TSPAN6: variants seen among roughly 807,000 people sequenced by gnomAD.
TSPAN6 encodes the protein tetraspanin 6, also known as tetraspanin-6.
A neutral mutation model predicts 18.0 loss-of-function variants in TSPAN6; 13 were observed. That is an observed-to-expected ratio of 0.72 (90% CI 0.47 to 1.15). The LOEUF (loss-of-function observed/expected upper bound fraction) is 1.15, where lower values mean the gene tolerates loss of function less well. Ranked by LOEUF, TSPAN6 falls within the 50% of genes most tolerant of loss-of-function variation. The probability of loss-of-function intolerance (pLI) is 0.00; values close to 1 mark genes in which losing one functional copy is unlikely to be tolerated. For synonymous variants in TSPAN6, 82 were observed against 67.0 expected, an observed-to-expected ratio of 1.22 and a Z score of -1.09; for missense variants, 186 against 183.9, an observed-to-expected ratio of 1.01 and a Z score of -0.07.
At chrX:100,632,457 T>C (rs1655788841) in intron 6 of TSPAN6, 28 bp downstream of exon 6, 2 of 1,108,062 alleles carry the variant, frequency 1.8e-6, no homozygotes, top group Non-Finnish European at 1.2e-6. Flanking sequence ...AGGGATGAAA[T>C]ATTTCCTAAG....
intron 3 of TSPAN6, among the ~76,000 whole-genome samples, 198 bp downstream of exon 3, chrX:100,634,980 T>A (rs759071853): frequency 8.9e-6 from 1 of 112,451 alleles, no homozygotes; most frequent in Non-Finnish European, 1.9e-5. Context: ...AGTAAGTAAT[T>A]TTCTTCTGGT....
At position 100,636,754 on chromosome X, in the gene TSPAN6, G is replaced by A; in HGVS notation, c.-60C>T. 3 of 1,125,980 alleles carry A rather than the reference G, an allele frequency of 2.7e-6. No homozygotes were observed. The highest frequency in any genetic ancestry group is 5.6e-5 in the Admixed American group (2 of 35,773). The allele number at this position is 1,125,980 out of a possible 1,213,427, so 92.8% of individuals were successfully genotyped here. ...GATTGGAACACAGAGAGCGAGACGCGGAGTCCCCGAGTCTCCCCGGAAACT... is the reference window on the plus strand; with the variant it reads ...GATTGGAACACAGAGAGCGAGACGCAGAGTCCCCGAGTCTCCCCGGAAACT... On this transcript the variant is annotated 5_prime_UTR_variant, in exon 1 of 8. Transcript: ENST00000373020.
In TSPAN6 at chrX:100,635,817, G is replaced by A. The variant is rs1453908078; in HGVS notation, c.88-71C>T. On this transcript the variant is annotated intron_variant, in intron 1 of 7. Coordinates refer to ENST00000373020, the MANE Select transcript of TSPAN6 (RefSeq NM_003270.4). ...GCAGCATCTTCAAATCACAACGCATGAGGTATTTAAGGCACAATAGGTGTA... is the reference window on the plus strand; with the variant it reads ...GCAGCATCTTCAAATCACAACGCATAAGGTATTTAAGGCACAATAGGTGTA... The A allele has an allele frequency of 1.2e-5, 11 of 889,989 alleles. No homozygotes were observed. In the Admixed American group the frequency reaches 3.9e-4, roughly 32 times the overall value. The allele number at this position is 889,989 out of a possible 1,213,427, so 73.3% of individuals were successfully genotyped here.
chrX:100,631,718 G>A (rs773291161), intron 6 of TSPAN6, among the ~76,000 whole-genome samples: 2 of 111,616 alleles, frequency 1.8e-5, no homozygotes, highest in South Asian at 3.8e-4. Flanking sequence ...TTGACTGACC[G>A]CAGAGAGAAC....
At chrX:100,631,091 GC>G (rs2083056101) in intron 6 of TSPAN6, among the ~76,000 whole-genome samples, 2 of 111,860 alleles carry the variant, frequency 1.8e-5, no homozygotes, top group South Asian at 7.4e-4. Context: ...GGAAAATCCA[GC>G]AAACTCACTC....
At position 100,634,035 on chromosome X, in the gene TSPAN6, G is replaced by A. The variant is rs781416778; in HGVS notation, c.352-6C>T. Reference sequence around the variant, plus strand: ...TTCTTAAAGCTGTTCTTAATCTATAGCAAAGAAACACAATGTCAGTAAGAA... The same window carrying A: ...TTCTTAAAGCTGTTCTTAATCTATAACAAAGAAACACAATGTCAGTAAGAA... On this transcript the variant is annotated splice_polypyrimidine_tract_variant and splice_region_variant and intron_variant, in intron 3 of 7. Coordinates refer to ENST00000373020, the MANE Select transcript of TSPAN6 (RefSeq NM_003270.4). 19 of 1,145,285 alleles carry A rather than the reference G, an allele frequency of 1.7e-5. No homozygotes were observed. In the South Asian group the frequency reaches 3.3e-4, roughly 20 times the overall value. 94.4% of individuals were successfully genotyped at this position (1,145,285 alleles called of 1,213,427 possible).
chrX:100,630,657 A>G, intron 7 of TSPAN6, 102 bp downstream of exon 7: 3 of 566,678 alleles, frequency 5.3e-6, no homozygotes, highest in Non-Finnish European at 8.4e-6. Flanking sequence ...ATTTAAATAT[A>G]TTACTAGACA....
At chrX:100,630,937 T>G in intron 6 of TSPAN6, 71 bp from the exon 7 acceptor site, 2 of 798,013 alleles carry the variant, frequency 2.5e-6, no homozygotes, top group Non-Finnish European at 3.7e-6. Context: ...TATATTCTCC[T>G]CTCACTTGTA....
chrX:100,633,862 G>T, intron 4 of TSPAN6, 69 bp downstream of exon 4: 2 of 768,613 alleles, frequency 2.6e-6, no homozygotes, highest in Non-Finnish European at 3.9e-6. Context: ...ACATCTAGTA[G>T]CCAGACTCTG....
At chrX:100,635,886 T>G in intron 1 of TSPAN6, 140 bp from the exon 2 acceptor site, 2 of 421,652 alleles carry the variant, frequency 4.7e-6, no homozygotes, top group Non-Finnish European at 7.3e-6. Flanking sequence ...TAGAAGGGGT[T>G]AGGGGGGGAT....
intron 1 of TSPAN6, chrX:100,636,314 T>TC: frequency 1.1e-6 from 1 of 910,058 alleles, no homozygotes; most frequent in Non-Finnish European, 1.4e-6. Flanking sequence ...GTCTGCGTGC[T>TC]CTGGGGGCTT....
At chrX:100,636,212 C>A (rs769507206) in intron 1 of TSPAN6, 2 of 795,005 alleles carry the variant, frequency 2.5e-6, no homozygotes, top group Non-Finnish European at 3.0e-6. Context: ...TCCTCTCTTA[C>A]GAAGCAGTGA....
At chrX:100,634,865 G>A (rs1410201628) in intron 3 of TSPAN6, among the ~76,000 whole-genome samples, 2 of 111,772 alleles carry the variant, frequency 1.8e-5, no homozygotes, top group Non-Finnish European at 3.8e-5. Context: ...GGCATAAGAA[G>A]GTTATCAATT....
At chrX:100,630,672 G>A (rs2083052941) in intron 7 of TSPAN6, 87 bp downstream of exon 7, 5 of 665,379 alleles carry the variant, frequency 7.5e-6, no homozygotes, top group Non-Finnish European at 1.1e-5. Flanking sequence ...TAGACAAGAC[G>A]TTCTTGGCAA....
rs952760663 is a variant in TSPAN6, at chrX:100,636,425, C to T, written c.87+183G>A. ...TCGTCCCGCACTCCGACCCCAGCGC[C>T]GGCGAGATGCCTGAGCTCTTTGTTC... On this transcript the variant is annotated intron_variant, in intron 1 of 7. Coordinates refer to ENST00000373020, the MANE Select transcript of TSPAN6 (RefSeq NM_003270.4). 19 of 1,005,232 alleles carry T rather than the reference C, an allele frequency of 1.9e-5. No homozygotes were observed. In the African/African-American group the frequency reaches 3.4e-4, roughly 18 times the overall value. 82.8% of individuals were successfully genotyped at this position (1,005,232 alleles called of 1,213,427 possible).
Position 100,632,583 on chromosome X carries a change from A to G in TSPAN6, c.586-15T>C. The G allele has an allele frequency of 1.3e-5, 15 of 1,122,613 alleles. No homozygotes were observed. The highest frequency in any genetic ancestry group is 1.7e-5 in the Non-Finnish European group (14 of 819,317). 92.5% of individuals were successfully genotyped at this position (1,122,613 alleles called of 1,213,427 possible). A position where few individuals can be genotyped will look rare whatever the true frequency, so the allele number is the denominator to read the frequency against. ...ATAAAACAACCCTAATGGGAGGAAA[A>G]AAACAAAGATTAAATACAGCACAAG... is the stretch of plus-strand genomic sequence containing the variant. On this transcript the variant is annotated splice_polypyrimidine_tract_variant and intron_variant, in intron 5 of 7. Transcript: ENST00000373020.
rs2083037493 is a variant in TSPAN6 at position 100,628,285 on chromosome X, TTTC to T, written c.*1738_*1740del. ...TTGAGTCACTATTTTTCAACTTAAT[TTTC>T]TTATCACCTTATCCTATGTCAAAAG... On this transcript the variant is annotated 3_prime_UTR_variant, in exon 8 of 8. Coordinates refer to ENST00000373020, the MANE Select transcript of TSPAN6 (RefSeq NM_003270.4). 2 of 112,226 alleles carry T rather than the reference TTTC, an allele frequency of 1.8e-5. No homozygotes were observed. The highest frequency in any genetic ancestry group is 7.4e-4 in the South Asian group (2 of 2,694). 9.2% of individuals were successfully genotyped at this position (112,226 alleles called of 1,213,427 possible).
rs752674834 is a variant in TSPAN6, at chrX:100,628,975, AAAC to A, written c.*1048_*1050del. On this transcript the variant is annotated 3_prime_UTR_variant, in exon 8 of 8. Transcript: ENST00000373020. ...TGTAGGGCTTAGCTTTCTCAGTGGA[AAAC>A]AACAACCATTCCAGCAGATTTTCTA... The A allele has an allele frequency of 1.1e-4, 12 of 112,351 alleles. No individual in the cohort carries two copies. The East Asian group carries it at 3.3e-3, about 31-fold the overall frequency. The allele number at this position is 112,351 out of a possible 1,213,427, so 9.3% of individuals were successfully genotyped here.
At chrX:100,636,357 AACGCTGGT>A in intron 1 of TSPAN6, 1 of 952,082 alleles carries the variant, frequency 1.1e-6, no homozygotes, top group South Asian at 4.5e-5. Flanking sequence ...ATCGAACTCG[AACGCTGGT>A]ACGTCTGGGT....
Sources: allele counts gnomAD v4.1 joint callset (sites outside exome capture counted in the v4.1 genomes callset), GRCh38; gene constraint gnomAD v4.1.1; transcripts MANE v1.5; gene names NCBI Gene and HGNC (gene_info 2026-07-23, HGNC 2026-07-21).